Variants in HERC6 observed in about 807,000 individuals in gnomAD.
HERC6 encodes HECT and RLD domain containing E3 ubiquitin protein ligase family member 6.
In HERC6, 101 loss-of-function variants were observed where a neutral mutation model predicts 114.5. That is an observed-to-expected ratio of 0.88 (90% confidence interval 0.75 to 1.04). HERC6 has a LOEUF of 1.04. Among genes scored for constraint, HERC6 ranks in the 50% least tolerant of loss-of-function variants. HERC6 has a pLI of 0.00. For synonymous variants in HERC6, 408 were observed against 436.2 expected (o/e 0.94, Z 0.81); for missense variants, 1,133 against 1,230.9 (o/e 0.92, Z 1.19).
intron 1 of HERC6, 95 bp downstream of exon 1, chr4:88,379,215 G>A: frequency 1.9e-6 from 2 of 1,072,614 alleles, no homozygotes; most frequent in Non-Finnish European, 2.6e-6. Context: ...GCGGAGCGCT[G>A]GGACCCGGGT....
At chr4:88,394,080 T>A (rs1247757517) in intron 5 of HERC6, among the ~76,000 whole-genome samples, 5 of 152,188 alleles carry the variant, frequency 3.3e-5, no homozygotes, top group African/African-American at 1.2e-4. Flanking sequence ...AGTGTACACA[T>A]ATCTAAAGAG....
In HERC6 at chr4:88,413,212, G is replaced by A; in HGVS notation, c.1504G>A (p.Val502Ile). Residue 502 changes from valine to isoleucine, a missense_variant, in exon 12 of 23, where the codon GTT becomes ATT. Around this residue, in one of 3 missense-constraint regions of HERC6, gnomAD observed 735 missense variants for 754.0 expected, o/e 0.97. Transcript: ENST00000264346. ...HDSKNWKNLV[V>I]PFAKAVCEMS... is the part of the protein sequence containing the mutation. The stretch of plus-strand genomic sequence containing the variant: ...TTCTAAGAACTGGAAGAACCTGGTG[G>A]TTCCATTTGCAAAGGCTGTGTGTGA... The A allele has an allele frequency of 1.2e-6, 2 of 1,613,134 alleles. No individual in the cohort carries two copies. The highest frequency in any genetic ancestry group is 1.7e-6 in the Non-Finnish European group (2 of 1,179,554).
At position 88,391,412 on chromosome 4, in the gene HERC6, A is replaced by G. The variant is rs537101746; in HGVS notation, c.664+533A>G. Among the ~76,000 whole-genome samples the G allele has an allele frequency of 1.9e-4, 29 of 152,336 alleles. 1 individual carries two copies. The South Asian group carries it at 5.6e-3, about 29-fold the overall frequency. ...TTGTTTTAAGGTCAACTGATTAACA[A>G]CTTTAGTTCCATCGGTTTCCGTAAC... On this transcript the variant is annotated intron_variant, in intron 4 of 22. Transcript: ENST00000264346.
chr4:88,409,431 G>A (rs1735973547), intron 11 of HERC6, among the ~76,000 whole-genome samples: 1 of 152,082 alleles, frequency 6.6e-6, no homozygotes, highest in African/African-American at 2.4e-5. Context: ...CGAAAGAGGG[G>A]GCTAGTGTTC....
chr4:88,442,712 C>T lies in HERC6; in HGVS notation c.*252C>T. ...TCCCTGGCACTGAAGAGTCTGAACA[C>T]TGGCCTGTGATTGGTCCATTCCAGG... On this transcript the variant is annotated 3_prime_UTR_variant, in exon 23 of 23. Transcript: ENST00000264346. 9.5e-6 allele frequency: 5 copies of T among 523,844 alleles called. 1 individual carries two copies. In the South Asian group the frequency reaches 1.1e-4, roughly 12 times the overall value. 32.4% of individuals were successfully genotyped at this position (523,844 alleles called of 1,614,324 possible). A position where few individuals can be genotyped will look rare whatever the true frequency, so the allele number is the denominator to read the frequency against.
In HERC6 at chr4:88,428,604, C is replaced by A; in HGVS notation, c.1960C>A (p.Leu654Ile). ...MQMSEKKAYMLMHETILQKKD... is the reference protein window; with the variant it reads ...MQMSEKKAYMIMHETILQKKD... ...GATGTCAGAAAAGAAAGCATACATG[C>A]TTATGCATGAAACAATTCTGCAAAA... Residue 654 changes from leucine (L) to isoleucine (I), a missense_variant, in exon 16 of 23, where the codon CTT becomes ATT. By Grantham distance (5) the Leu-to-Ile change is conservative. Around this residue, in one of 3 missense-constraint regions of HERC6, gnomAD observed 388 missense variants for 445.9 expected, o/e 0.87. Coordinates refer to ENST00000264346, the MANE Select transcript of HERC6 (RefSeq NM_017912.4). 1 of 1,605,548 alleles carries A rather than the reference C, an allele frequency of 6.2e-7. No individual in the cohort carries two copies. Among genetic ancestry groups the A allele is most frequent in the Non-Finnish European group, 8.5e-7 (1 of 1,177,082 alleles).
At chr4:88,438,583 G>A (rs574676021) in intron 20 of HERC6, among the ~76,000 whole-genome samples, 2 of 152,152 alleles carry the variant, frequency 1.3e-5, no homozygotes, top group Non-Finnish European at 2.9e-5. Context: ...AGATAAGGAT[G>A]AGCACTCTGA....
At chr4:88,409,780 G>A (rs906480823) in intron 11 of HERC6, among the ~76,000 whole-genome samples, 1 of 152,016 alleles carries the variant, frequency 6.6e-6, no homozygotes, top group Non-Finnish European at 1.5e-5. Context: ...GTTTAATATT[G>A]TGTGATTCTG....
intron 13 of HERC6, 109 bp downstream of exon 13, chr4:88,417,688 A>G (rs1207773242): frequency 1.1e-6 from 1 of 885,338 alleles, no homozygotes; most frequent in Non-Finnish European, 1.7e-6. Flanking sequence ...GAGGAGTCAA[A>G]TGTTTTTTAA....
chr4:88,437,859 T>C, intron 20 of HERC6, 78 bp downstream of exon 20: 1 of 1,050,132 alleles, frequency 9.5e-7, no homozygotes. Flanking sequence ...TTAAAATGTA[T>C]TTTTAAATAT....
Position 88,440,133 on chromosome 4 carries a change from C to T in HERC6, c.2740-15C>T, listed in dbSNP as rs1451236051. The T allele has an allele frequency of 6.2e-7, 1 of 1,603,336 alleles. No homozygotes were observed. On this transcript the variant is annotated splice_polypyrimidine_tract_variant and intron_variant, in intron 21 of 22. Transcript: ENST00000264346. Reference sequence around the variant, plus strand: ...CCACCCCACTCAAATCATTTTTCTCCCTCTTTCTCTCAAGAATTCAAAGTA... The same window carrying T: ...CCACCCCACTCAAATCATTTTTCTCTCTCTTTCTCTCAAGAATTCAAAGTA...
chr4:88,408,488 T>C lies in HERC6; in HGVS notation c.1275-36T>C, dbSNP rs184449878. 3.8e-5 allele frequency: 48 copies of C among 1,274,334 alleles called. No homozygotes were observed. The Admixed American group carries it at 9.2e-4, about 24-fold the overall frequency. The allele number at this position is 1,274,334 out of a possible 1,614,324, so 78.9% of individuals were successfully genotyped here. A position where few individuals can be genotyped will look rare whatever the true frequency, so the allele number is the denominator to read the frequency against. ...AACTTTAGAAATATCCCTTTCCTTA[T>C]GTTTATGTGGTTTCTTGCATTTCTT... On this transcript the variant is annotated intron_variant, in intron 10 of 22. Coordinates refer to ENST00000264346, the MANE Select transcript of HERC6 (RefSeq NM_017912.4).
At chr4:88,421,688 C>T (rs1420804766) in intron 13 of HERC6, among the ~76,000 whole-genome samples, 1 of 152,086 alleles carries the variant, frequency 6.6e-6, no homozygotes, top group Admixed American at 6.6e-5. Flanking sequence ...TCAAGTAATC[C>T]ACCCACCTCA....
At chr4:88,388,884 A>G (rs906631397) in intron 3 of HERC6, among the ~76,000 whole-genome samples, 1 of 152,200 alleles carries the variant, frequency 6.6e-6, no homozygotes, top group Non-Finnish European at 1.5e-5. Flanking sequence ...CACACAAAAG[A>G]CAGCTTTTTA....
intron 11 of HERC6, among the ~76,000 whole-genome samples, chr4:88,412,239 G>T (rs1736147245): frequency 6.6e-6 from 1 of 152,180 alleles, no homozygotes; most frequent in Non-Finnish European, 1.5e-5. Context: ...CTCAATGAAT[G>T]TTCAAACAAA....
At position 88,435,876 on chromosome 4, in the gene HERC6, G is replaced by T; in HGVS notation, c.2402G>T (p.Ser801Ile). The T allele has an allele frequency of 6.2e-7, 1 of 1,603,498 alleles. No individual in the cohort carries two copies. The highest frequency in any genetic ancestry group is 1.3e-5 in the African/African-American group (1 of 74,288). The change falls in exon 18 of 23, where the codon AGT becomes ATT. Residue 801 changes from serine (S) to isoleucine (I), a missense_variant. Physicochemically the swap from Ser to Ile is moderately radical, Grantham distance 142 (BLOSUM62 -2). Coordinates refer to ENST00000264346, the MANE Select transcript of HERC6 (RefSeq NM_017912.4). ...KPSLEDLKEL[S>I]PRLGKSLQEV... ...TCATTGGAAGATTTAAAAGAACTCA[G>T]TCCTCGGTTGGGGAAGTAAGTAAAT...
At position 88,440,147 on chromosome 4, in the gene HERC6, G is replaced by T. The variant is rs748408021; in HGVS notation, c.2740-1G>T. 2 of 1,607,246 alleles carry T rather than the reference G, an allele frequency of 1.2e-6. No individual in the cohort carries two copies. The highest frequency in any genetic ancestry group is 1.7e-6 in the Non-Finnish European group (2 of 1,175,616). On this transcript the variant is annotated splice_acceptor_variant, in intron 21 of 22. Transcript: ENST00000264346. LOFTEE classifies it high-confidence loss of function. The stretch of plus-strand genomic sequence containing the variant: ...TCATTTTTCTCCCTCTTTCTCTCAA[G>T]AATTCAAAGTATGAGCAAGGATACC...
chr4:88,420,232 G>A (rs917893016), intron 13 of HERC6, among the ~76,000 whole-genome samples: 1 of 152,180 alleles, frequency 6.6e-6, no homozygotes, highest in South Asian at 2.1e-4. Flanking sequence ...ATCTATCCTT[G>A]TACCTGTATA....
chr4:88,426,132 T>TATAACA (rs1737583918), intron 15 of HERC6, among the ~76,000 whole-genome samples: 1 of 152,190 alleles, frequency 6.6e-6, no homozygotes, highest in Admixed American at 6.5e-5. Context: ...ATCCTGCTAG[T>TATAACA]AGCATTCCAC....
Sources: allele counts gnomAD v4.1 joint callset (sites outside exome capture counted in the v4.1 genomes callset), GRCh38; gene constraint gnomAD v4.1.1; regional missense constraint gnomAD v4.1.1; transcripts MANE v1.5; gene names NCBI Gene and HGNC (gene_info 2026-07-23, HGNC 2026-07-21).